WWOX: variants seen among roughly 807,000 people sequenced by gnomAD.
The protein encoded by WWOX is WW domain containing oxidoreductase.
A neutral mutation model predicts 46.2 loss-of-function variants in WWOX; 69 were observed. The observed-to-expected ratio is 1.49, with a 90% CI of 1.23 to 1.82. The LOEUF (loss-of-function observed/expected upper bound fraction) is 1.82. Among genes scored for constraint, WWOX ranks in the 40% most tolerant of loss-of-function variants. The probability of loss-of-function intolerance (pLI) is 0.00; values close to 1 mark genes in which losing one functional copy is unlikely to be tolerated. For missense variants in WWOX, 919 were observed against 542.6 expected (o/e 1.69, Z -6.89); for synonymous variants, 359 against 202.6 (o/e 1.77, Z -6.56).
Position 78,537,932 on chromosome 16 carries a change from C to G in WWOX, c.1056+105180C>G, listed in dbSNP as rs78183798. ...AGAGCTGCTTTTCACCTTACAGCAG[C>G]CCCGGCCTATCTCTCAGGAGGCCTG... On this transcript the variant is annotated intron_variant, in intron 8 of 8. Transcript: ENST00000566780. 2.9e-3 allele frequency among the ~76,000 whole-genome samples: 438 copies of G among 152,144 alleles called. 5 individuals are homozygous for G. The highest frequency in any genetic ancestry group is 0.023 in the Admixed American group (348 of 15,264).
intron 8 of WWOX, among the ~76,000 whole-genome samples, chr16:78,835,297 C>T (rs1422286342): frequency 6.6e-6 from 1 of 152,178 alleles, no homozygotes; most frequent in Non-Finnish European, 1.5e-5. Flanking sequence ...GCTTTTATCC[C>T]TTTAACTACA....
chr16:79,030,464 C>A (rs115877737), intron 8 of WWOX, among the ~76,000 whole-genome samples: 6,319 of 152,228 alleles, frequency 0.042, 142 homozygotes, highest in Non-Finnish European at 0.044. Flanking sequence ...ACGGGCAATC[C>A]CATTAGCAGT....
intron 4 of WWOX, among the ~76,000 whole-genome samples, chr16:78,144,486 T>TATATACACATATATATATATATAC (rs2034122429): frequency 5.0e-5 from 1 of 19,846 alleles, no homozygotes; most frequent in African/African-American, 1.8e-4. Context: ...TATATATATA[T>TATATACACATATATATATATATAC]ACACACACAC....
At chr16:79,205,696 T>G (rs956370100) in intron 8 of WWOX, 1 of 152,198 alleles carries the variant, frequency 6.6e-6, no homozygotes, top group Non-Finnish European at 1.5e-5. Flanking sequence ...TACATTTCAA[T>G]ACCTACAGGA....
chr16:78,158,480 C>G (rs1193683366), intron 4 of WWOX, among the ~76,000 whole-genome samples: 1 of 152,008 alleles, frequency 6.6e-6, no homozygotes, highest in Non-Finnish European at 1.5e-5. Context: ...CTCCCCTCCC[C>G]TCCTCTCCTT....
chr16:78,332,244 G>C (rs2080775748), intron 5 of WWOX, among the ~76,000 whole-genome samples: 1 of 152,170 alleles, frequency 6.6e-6, no homozygotes, highest in Non-Finnish European at 1.5e-5. Context: ...CAGAATCCCA[G>C]ATCCCAGATG....
intron 1 of WWOX, among the ~76,000 whole-genome samples, chr16:78,105,435 G>A (rs1317456292): frequency 6.6e-6 from 1 of 150,676 alleles, no homozygotes; most frequent in Non-Finnish European, 1.5e-5. Flanking sequence ...CTGCAGCCTG[G>A]GTGACAGAGT....
At chr16:78,920,759 A>G (rs1233681897) in intron 8 of WWOX, among the ~76,000 whole-genome samples, 1 of 152,152 alleles carries the variant, frequency 6.6e-6, no homozygotes, top group Admixed American at 6.5e-5. Context: ...CATCTGCAAA[A>G]CACGACTTTT....
chr16:78,389,553 A>G (rs1296621810), intron 6 of WWOX, among the ~76,000 whole-genome samples: 1 of 152,140 alleles, frequency 6.6e-6, no homozygotes, highest in Non-Finnish European at 1.5e-5. Flanking sequence ...AATATTTTGC[A>G]TGTATGTTTT....
At chr16:78,204,511 T>C (rs2036331378) in intron 5 of WWOX, among the ~76,000 whole-genome samples, 1 of 75,618 alleles carries the variant, frequency 1.3e-5, no homozygotes, top group South Asian at 3.6e-4. Flanking sequence ...TATTTATTCC[T>C]TGTATTTTTT....
At chr16:78,569,122 C>T (rs752185811) in intron 8 of WWOX, among the ~76,000 whole-genome samples, 10 of 152,156 alleles carry the variant, frequency 6.6e-5, no homozygotes, top group Non-Finnish European at 1.3e-4. Context: ...CTTAAAATTA[C>T]AGGATACCTA....
At chr16:78,435,787 G>A (rs901757191) in intron 8 of WWOX, among the ~76,000 whole-genome samples, 19 of 152,164 alleles carry the variant, frequency 1.2e-4, no homozygotes, top group African/African-American at 4.3e-4. Flanking sequence ...GAACAACTTA[G>A]ACATGTCACC....
chr16:78,523,263 C>T (rs967835314), intron 8 of WWOX, among the ~76,000 whole-genome samples: 1 of 152,120 alleles, frequency 6.6e-6, no homozygotes, highest in Admixed American at 6.5e-5. Flanking sequence ...ATTAATTTTT[C>T]ATAGTGTTTA....
chr16:79,089,183 G>C (rs529070610), intron 8 of WWOX, among the ~76,000 whole-genome samples: 1 of 152,208 alleles, frequency 6.6e-6, no homozygotes, highest in African/African-American at 2.4e-5. Context: ...TGCATAACTG[G>C]TTTCTTGACC....
intron 5 of WWOX, among the ~76,000 whole-genome samples, chr16:78,172,901 G>T (rs1397725509): frequency 6.6e-6 from 1 of 152,200 alleles, no homozygotes; most frequent in African/African-American, 2.4e-5. Flanking sequence ...TGGCCACTTG[G>T]CATTTAGACT....
chr16:78,870,211 G>A (rs1195069455), intron 8 of WWOX, among the ~76,000 whole-genome samples: 1 of 152,158 alleles, frequency 6.6e-6, no homozygotes, highest in Non-Finnish European at 1.5e-5. Flanking sequence ...GCTTCCTCAA[G>A]ATTCTGTTGA....
intron 8 of WWOX, among the ~76,000 whole-genome samples, chr16:79,062,806 C>T (rs9923032): frequency 0.061 from 9,358 of 152,170 alleles, 526 homozygotes; most frequent in African/African-American, 0.15. Flanking sequence ...CTAACAGCCC[C>T]TTGAACAGTG....
At chr16:79,040,489 T>A (rs1385077957) in intron 8 of WWOX, among the ~76,000 whole-genome samples, 1 of 152,066 alleles carries the variant, frequency 6.6e-6, no homozygotes, top group Non-Finnish European at 1.5e-5. Context: ...TTGCCCAGGC[T>A]GGTCTCGAAC....
At chr16:79,178,552 A>G (rs537840105) in intron 8 of WWOX, among the ~76,000 whole-genome samples, 1 of 152,238 alleles carries the variant, frequency 6.6e-6, no homozygotes, top group East Asian at 1.9e-4. Context: ...CCTGAGCTCA[A>G]GTGATCCTCC....
Sources: gnomAD v4.1 joint callset for allele counts (sites outside exome capture counted in the v4.1 genomes callset) on GRCh38, gnomAD v4.1.1 for gene constraint, MANE v1.5 for transcripts, NCBI Gene and HGNC (gene_info 2026-07-23, HGNC 2026-07-21) for gene names.